The following SPAG17 variants were observed in gnomAD, a reference collection of about 807,000 sequenced individuals.
SPAG17 encodes sperm-associated antigen 17.
A neutral mutation model predicts 273.6 loss-of-function variants in SPAG17; 169 were observed. The ratio of observed to expected loss-of-function variants is 0.62; its 90% CI spans 0.55 to 0.70. The LOEUF (loss-of-function observed/expected upper bound fraction) is 0.70. SPAG17 is among the 30% of genes least tolerant of loss of function. The pLI is 0.00. For synonymous variants in SPAG17, 825 were observed against 873.2 expected, an observed-to-expected ratio of 0.94 and a Z score of 0.97; for missense variants, 2,557 against 2,627.8, an observed-to-expected ratio of 0.97 and a Z score of 0.59.
chr1:118,147,238 A>G (rs1659057290), intron 3 of SPAG17, among the ~76,000 whole-genome samples: 2 of 152,262 alleles, frequency 1.3e-5, no homozygotes, highest in Admixed American at 1.3e-4. Context: ...TCATCGTCTG[A>G]TAGTGCCTGG....
At chr1:118,121,262 T>G (rs1657403821) in intron 3 of SPAG17, among the ~76,000 whole-genome samples, 1 of 152,094 alleles carries the variant, frequency 6.6e-6, no homozygotes, top group Admixed American at 6.5e-5. Context: ...AATTCTGTAT[T>G]GCGGGAGAGG....
intron 41 of SPAG17, 33 bp from the exon 42 acceptor site, chr1:117,983,946 T>C (rs1213025942): frequency 1.8e-6 from 2 of 1,132,164 alleles, no homozygotes; most frequent in South Asian, 1.3e-5. Flanking sequence ...TTTAGACTTA[T>C]ACATGGCTGA....
chr1:118,027,514 C>T (rs1416979945), intron 26 of SPAG17, among the ~76,000 whole-genome samples: 1 of 151,862 alleles, frequency 6.6e-6, no homozygotes, highest in Non-Finnish European at 1.5e-5. Flanking sequence ...AAAACATGAC[C>T]CTGAGACCCT....
chr1:118,123,209 G>T (rs1192199708), intron 3 of SPAG17, among the ~76,000 whole-genome samples: 1 of 151,880 alleles, frequency 6.6e-6, no homozygotes, highest in East Asian at 1.9e-4. Flanking sequence ...CATTCTTTCT[G>T]CATTTATTTA....
intron 1 of SPAG17, among the ~76,000 whole-genome samples, chr1:118,152,951 G>C (rs961801433): frequency 6.6e-6 from 1 of 152,146 alleles, no homozygotes; most frequent in Non-Finnish European, 1.5e-5. Context: ...GCAATACCTT[G>C]AAGTTCCTGA....
At chr1:118,165,535 T>C (rs1660124374) in intron 1 of SPAG17, among the ~76,000 whole-genome samples, 3 of 151,750 alleles carry the variant, frequency 2.0e-5, no homozygotes, top group African/African-American at 7.3e-5. Flanking sequence ...CTTAGGTTGG[T>C]GCCAAATTCA....
intron 3 of SPAG17, among the ~76,000 whole-genome samples, chr1:118,134,400 A>G (rs1288672210): frequency 6.6e-6 from 1 of 152,206 alleles, no homozygotes; most frequent in Non-Finnish European, 1.5e-5. Flanking sequence ...TATTTTCCTT[A>G]CTTAAGTACC....
intron 20 of SPAG17, among the ~76,000 whole-genome samples, chr1:118,050,260 A>G (rs1262151341): frequency 2.0e-5 from 3 of 152,196 alleles, no homozygotes; most frequent in African/African-American, 7.2e-5. Context: ...CAAACTGTGC[A>G]CTTGATCTCT....
Position 118,048,685 on chromosome 1 carries a change from C to T in SPAG17, c.2814+5317G>A, listed in dbSNP as rs181606907. ...GGCCAAGGTGGGCAGATCACAAGGT[C>T]AGGAGTTCGAGACCAGCCTAGCCAA... On this transcript the variant is annotated intron_variant, in intron 20 of 48. Coordinates refer to ENST00000336338, the MANE Select transcript of SPAG17 (RefSeq NM_206996.4). Among the ~76,000 whole-genome samples, 9 of 152,210 alleles carry T rather than the reference C, an allele frequency of 5.9e-5. No individual in the cohort carries two copies. In the East Asian group the frequency reaches 1.7e-3, roughly 29 times the overall value.
At chr1:118,142,840 G>C (rs955662639) in intron 3 of SPAG17, among the ~76,000 whole-genome samples, 2 of 152,154 alleles carry the variant, frequency 1.3e-5, no homozygotes, top group Admixed American at 6.5e-5. Flanking sequence ...TAGGTATATC[G>C]CTCACCAAAC....
At position 117,988,656 on chromosome 1, in the gene SPAG17, A is replaced by G. The variant is rs79395142; in HGVS notation, c.5522-452T>C. On this transcript the variant is annotated intron_variant, in intron 38 of 48. Coordinates refer to ENST00000336338, the MANE Select transcript of SPAG17 (RefSeq NM_206996.4). The stretch of plus-strand genomic sequence containing the variant: ...ATTCACAAAACACGCTCTTGGTGGG[A>G]TGTCAATGGGAGATTAAAAAGAGGA... Among the ~76,000 whole-genome samples the G allele has an allele frequency of 9.8e-4, 150 of 152,314 alleles. 3 individuals carry two copies. The East Asian group carries it at 0.026, about 26-fold the overall frequency.
At chr1:117,968,395 T>C (rs1219344342) in intron 46 of SPAG17, among the ~76,000 whole-genome samples, 2 of 152,174 alleles carry the variant, frequency 1.3e-5, no homozygotes, top group African/African-American at 4.8e-5. Context: ...CCCAGAACAG[T>C]GGAAGAAGGG....
intron 3 of SPAG17, among the ~76,000 whole-genome samples, chr1:118,139,455 C>T (rs1658548055): frequency 6.6e-6 from 1 of 152,190 alleles, no homozygotes; most frequent in Non-Finnish European, 1.5e-5. Context: ...AGCAATCTCA[C>T]TTCTGGGTAT....
In SPAG17 at chr1:117,992,598, G is replaced by GCAAA; in HGVS notation, c.5225_5228dup (p.Ile1744LeufsTer3). 1 of 1,612,868 alleles carries GCAAA rather than the reference G, an allele frequency of 6.2e-7. No homozygotes were observed. Among genetic ancestry groups the GCAAA allele is most frequent in the South Asian group, 1.1e-5 (1 of 90,850 alleles). The stretch of plus-strand genomic sequence containing the variant: ...CACTCACTAGCTGTTTGGACTCAAT[G>GCAAA]CAAAGGCCTTTCCAAATCTGAGTAC... On this transcript the variant is annotated frameshift_variant, in exon 36 of 49. Transcript: ENST00000336338. LOFTEE classifies it high-confidence loss of function.
chr1:118,103,840 A>T (rs1420644565), intron 4 of SPAG17, among the ~76,000 whole-genome samples: 2 of 136,386 alleles, frequency 1.5e-5, no homozygotes, highest in Admixed American at 1.5e-4. Context: ...GGGAAAATGT[A>T]GTGTGTGTGT....
At chr1:118,169,630 G>T (rs754666488) in intron 1 of SPAG17, among the ~76,000 whole-genome samples, 24 of 152,118 alleles carry the variant, frequency 1.6e-4, no homozygotes, top group Non-Finnish European at 3.2e-4. Flanking sequence ...ATTTATAAGG[G>T]TTTCATGCAC....
chr1:118,181,444 AACAG>A (rs1486250335), intron 1 of SPAG17, among the ~76,000 whole-genome samples: 3 of 152,120 alleles, frequency 2.0e-5, no homozygotes, highest in Non-Finnish European at 4.4e-5. Context: ...GAAAGTGAGG[AACAG>A]ACAAAGATAT....
At chr1:118,002,447 T>G (rs1658401464) in intron 32 of SPAG17, among the ~76,000 whole-genome samples, 1 of 152,194 alleles carries the variant, frequency 6.6e-6, no homozygotes, top group Non-Finnish European at 1.5e-5. Flanking sequence ...ATTACTATTG[T>G]GTGGGAGTCT....
chr1:118,152,728 C>G (rs1335069286), intron 1 of SPAG17, among the ~76,000 whole-genome samples: 1 of 152,120 alleles, frequency 6.6e-6, no homozygotes, highest in Non-Finnish European at 1.5e-5. Flanking sequence ...ATTCTTTTGT[C>G]TCTAAATTCA....
Sources: gnomAD v4.1 joint callset for allele counts (sites outside exome capture counted in the v4.1 genomes callset) on GRCh38, gnomAD v4.1.1 for gene constraint, MANE v1.5 for transcripts, NCBI Gene and HGNC (gene_info 2026-07-23, HGNC 2026-07-21) for gene names.